Variants in SAXO1 observed in about 807,000 individuals in gnomAD.
SAXO1 encodes the protein stabilizer of axonemal microtubules 1.
A neutral mutation model predicts 17.5 loss-of-function variants in SAXO1; 21 were observed. The ratio of observed to expected loss-of-function variants is 1.20; its 90% CI spans 0.85 to 1.72. SAXO1 has a LOEUF of 1.72. SAXO1 is among the 40% of genes most tolerant of loss of function. The pLI is 0.00. For missense variants in SAXO1, 843 were observed against 596.0 expected, an observed-to-expected ratio of 1.41 and a Z score of -4.32; for synonymous variants, 274 against 216.5, an observed-to-expected ratio of 1.27 and a Z score of -2.33.
chr9:18,944,449 T>G (rs1588419418), intron 2 of SAXO1, among the ~76,000 whole-genome samples: 1 of 152,310 alleles, frequency 6.6e-6, no homozygotes, highest in East Asian at 1.9e-4. Context: ...AAGTCTATAT[T>G]TTAGTCTCCC....
intron 1 of SAXO1, among the ~76,000 whole-genome samples, chr9:18,972,569 A>G (rs10963884): frequency 0.11 from 16,288 of 152,222 alleles, 1,113 homozygotes; most frequent in Non-Finnish European, 0.15. Flanking sequence ...AAAAAAACTC[A>G]AAACCTGAGG....
chr9:18,999,632 G>A (rs1324558225), intron 1 of SAXO1, among the ~76,000 whole-genome samples: 2 of 150,916 alleles, frequency 1.3e-5, no homozygotes, highest in Admixed American at 6.6e-5. Context: ...GGGAAGTGAA[G>A]AGCCCCTCTG....
chr9:18,973,127 C>T (rs1357314274), intron 1 of SAXO1, among the ~76,000 whole-genome samples: 3 of 152,166 alleles, frequency 2.0e-5, no homozygotes, highest in Admixed American at 1.3e-4. Flanking sequence ...TTCAAGTGAC[C>T]ACCCAACAGA....
intron 1 of SAXO1, among the ~76,000 whole-genome samples, chr9:19,044,916 A>T (rs914228466): frequency 6.6e-6 from 1 of 152,114 alleles, no homozygotes; most frequent in Non-Finnish European, 1.5e-5. Context: ...CCAAGGAGCA[A>T]CATTTTTACC....
chr9:19,035,225 G>A (rs569616065), upstream of SAXO1, among the ~76,000 whole-genome samples: 1 of 152,276 alleles, frequency 6.6e-6, no homozygotes, highest in South Asian at 2.1e-4. Flanking sequence ...CACATGTTGT[G>A]GGAGGGACCC....
chr9:18,958,556 C>T lies in SAXO1; in HGVS notation c.39-7619G>A, dbSNP rs537811744. Among the ~76,000 whole-genome samples the T allele has an allele frequency of 2.6e-4, 40 of 152,030 alleles. No individual in the cohort carries two copies. In the South Asian group the frequency reaches 6.9e-3, roughly 26 times the overall value. ...AAGCAACTTTAATGGTTATTTGGTA[C>T]GCATATAACAAAGAGATGCAAATGA... is the stretch of plus-strand genomic sequence containing the variant. On this transcript the variant is annotated intron_variant, in intron 1 of 3. Transcript: ENST00000380534.
chr9:19,038,105 C>T (rs1835986616), upstream of SAXO1, among the ~76,000 whole-genome samples: 1 of 152,174 alleles, frequency 6.6e-6, no homozygotes, highest in African/African-American at 2.4e-5. Context: ...AGTCAGGAAA[C>T]AACAGGTGCC....
At chr9:19,006,489 A>G (rs1460928340) in intron 1 of SAXO1, among the ~76,000 whole-genome samples, 1 of 152,268 alleles carries the variant, frequency 6.6e-6, no homozygotes, top group Non-Finnish European at 1.5e-5. Flanking sequence ...CCTTAGAGAC[A>G]AATTGCTAAG....
intron 1 of SAXO1, among the ~76,000 whole-genome samples, chr9:18,989,562 A>G (rs942701098): frequency 6.6e-6 from 1 of 151,880 alleles, no homozygotes; most frequent in Admixed American, 6.6e-5. Flanking sequence ...TTATGCACAC[A>G]CACACACACA....
At chr9:18,936,404 T>C (rs2131684085) in intron 3 of SAXO1, among the ~76,000 whole-genome samples, 1 of 152,208 alleles carries the variant, frequency 6.6e-6, no homozygotes, top group South Asian at 2.1e-4. Context: ...CGGAGGCATC[T>C]ACCTGTAGAT....
At chr9:18,941,519 C>A in intron 3 of SAXO1, 118 bp downstream of exon 3, 1 of 1,148,502 alleles carries the variant, frequency 8.7e-7, no homozygotes, top group Admixed American at 2.0e-5. Context: ...AGATCTGGCC[C>A]GTAGGAAGTA....
At chr9:18,971,615 T>C (rs1832945364) in intron 1 of SAXO1, among the ~76,000 whole-genome samples, 1 of 152,088 alleles carries the variant, frequency 6.6e-6, no homozygotes, top group African/African-American at 2.4e-5. Flanking sequence ...CCAAAACAAG[T>C]AGGAGGCTGG....
chr9:18,932,590 G>C (rs923992133), intron 3 of SAXO1, among the ~76,000 whole-genome samples: 35 of 152,318 alleles, frequency 2.3e-4, no homozygotes, highest in African/African-American at 8.2e-4. Context: ...CTGAGATTTT[G>C]ATAGGAATTG....
intron 1 of SAXO1, among the ~76,000 whole-genome samples, chr9:18,988,615 T>C (rs150688257): frequency 0.015 from 2,251 of 152,332 alleles, 52 homozygotes; most frequent in African/African-American, 0.052. Context: ...GTATATTTTA[T>C]AAAGCACTTG....
Position 19,000,316 on chromosome 9 carries a change from G to A in SAXO1, c.38+32555C>T, listed in dbSNP as rs141555957. ...CCCCACCCTCTGGGAAGTGAGGAGC[G>A]CCTCTGCCCAGCCACCACCCTGTCT... On this transcript the variant is annotated intron_variant, in intron 1 of 3. Coordinates refer to ENST00000380534, the MANE Select transcript of SAXO1 (RefSeq NM_153707.4). 8.8e-3 allele frequency among the ~76,000 whole-genome samples: 1,273 copies of A among 145,094 alleles called. 13 individuals carry two copies. The highest frequency in any genetic ancestry group is 0.031 in the African/African-American group (1,196 of 38,962).
chr9:18,974,982 C>G (rs1563955897), intron 1 of SAXO1, among the ~76,000 whole-genome samples: 1 of 152,196 alleles, frequency 6.6e-6, no homozygotes, highest in Non-Finnish European at 1.5e-5. Flanking sequence ...CTGGCAGACT[C>G]TCAACCTTGA....
In SAXO1 at chr9:18,928,387, G is replaced by C. The variant is rs111600082; in HGVS notation, c.1090C>G (p.Pro364Ala). 3.1e-6 allele frequency: 5 copies of C among 1,611,586 alleles called. No individual in the cohort carries two copies. Among genetic ancestry groups the C allele is most frequent in the Non-Finnish European group, 4.2e-6 (5 of 1,178,880 alleles). ...PVKPVPQLDL[P>A]TEPLDCLTTT... ...GTCAGGCAGTCCAGGGGCTCGGTGG[G>C]CAAGTCCAGCTGGGGAACGGGCTTG... Residue 364 changes from proline (P) to alanine (A), a missense_variant, in exon 4 of 4, where the codon CCC (proline) becomes GCC (alanine). Transcript: ENST00000380534.
chr9:19,022,212 C>A (rs1176362849), intron 1 of SAXO1, among the ~76,000 whole-genome samples: 1 of 152,210 alleles, frequency 6.6e-6, no homozygotes, highest in Non-Finnish European at 1.5e-5. Flanking sequence ...AGGTCTGCAG[C>A]TCCACTCCTT....
chr9:19,043,743 G>C (rs1355131145), intron 1 of SAXO1, among the ~76,000 whole-genome samples: 1 of 151,930 alleles, frequency 6.6e-6, no homozygotes, highest in Non-Finnish European at 1.5e-5. Flanking sequence ...ACTCCAGCTT[G>C]GGCCACAGAG....
Sources: allele counts gnomAD v4.1 joint callset (sites outside exome capture counted in the v4.1 genomes callset), GRCh38; gene constraint gnomAD v4.1.1; transcripts MANE v1.5; gene names NCBI Gene and HGNC (gene_info 2026-07-23, HGNC 2026-07-21).